Variants in RSBN1L observed in about 807,000 individuals in gnomAD.
The protein encoded by RSBN1L is round spermatid basic protein 1 like, also known as lysine-specific demethylase RSBN1L.
Under a neutral mutation model 67.7 loss-of-function variants are expected in RSBN1L, and 30 were observed. That is an observed-to-expected ratio of 0.44 (90% CI 0.33 to 0.60). RSBN1L has a LOEUF of 0.60. RSBN1L is among the 20% of genes least tolerant of loss of function. The pLI, the probability that RSBN1L is intolerant of heterozygous loss-of-function variation, is 0.02. For synonymous variants in RSBN1L, 433 were observed against 387.0 expected, an observed-to-expected ratio of 1.12 and a Z score of -1.39; for missense variants, 992 against 1,031.7, an observed-to-expected ratio of 0.96 and a Z score of 0.53.
At chr7:77,733,846 G>A (rs1292559001) in intron 1 of RSBN1L, among the ~76,000 whole-genome samples, 1 of 152,236 alleles carries the variant, frequency 6.6e-6, no homozygotes, top group Admixed American at 6.5e-5. Context: ...ATAGTTGTTG[G>A]CTGGGTGTGG....
At chr7:77,767,998 G>A (rs376561608) in intron 4 of RSBN1L, among the ~76,000 whole-genome samples, 33 of 150,210 alleles carry the variant, frequency 2.2e-4, no homozygotes, top group South Asian at 1.7e-3. Flanking sequence ...CTACAGGTGC[G>A]CGCCACCATG....
At chr7:77,704,840 C>T (rs111818478) in intron 1 of RSBN1L, among the ~76,000 whole-genome samples, 8 of 151,904 alleles carry the variant, frequency 5.3e-5, no homozygotes, top group African/African-American at 1.2e-4. Context: ...TTAGGTGTGT[C>T]GGGCGCCTGT....
At chr7:77,772,761 C>G (rs1043401313) in intron 5 of RSBN1L, among the ~76,000 whole-genome samples, 2 of 152,150 alleles carry the variant, frequency 1.3e-5, no homozygotes, top group African/African-American at 4.8e-5. Context: ...AGTATGTGTC[C>G]TATCAATATT....
At chr7:77,714,162 A>T (rs1051432692) in intron 1 of RSBN1L, among the ~76,000 whole-genome samples, 2 of 152,184 alleles carry the variant, frequency 1.3e-5, no homozygotes, top group African/African-American at 4.8e-5. Flanking sequence ...GATAGATTTG[A>T]TATCTATAGG....
intron 5 of RSBN1L, 103 bp from the exon 6 acceptor site, chr7:77,773,044 A>T: frequency 1.7e-6 from 1 of 579,714 alleles, no homozygotes; most frequent in Non-Finnish European, 2.8e-6. Flanking sequence ...ATTTGATTTG[A>T]GAGCAAATTT....
At chr7:77,756,084 A>G (rs1222492281) in intron 3 of RSBN1L, among the ~76,000 whole-genome samples, 1 of 152,184 alleles carries the variant, frequency 6.6e-6, no homozygotes, top group Non-Finnish European at 1.5e-5. Flanking sequence ...GTGGGAAGAC[A>G]GAGTAGAGTG....
intron 2 of RSBN1L, among the ~76,000 whole-genome samples, chr7:77,746,781 AG>A (rs1791489946): frequency 6.6e-6 from 1 of 152,210 alleles, no homozygotes; most frequent in African/African-American, 2.4e-5. Context: ...CTGTTCCAAA[AG>A]GGAGAAATTG....
At chr7:77,732,385 T>A (rs1190941020) in intron 1 of RSBN1L, among the ~76,000 whole-genome samples, 1 of 152,098 alleles carries the variant, frequency 6.6e-6, no homozygotes, top group Non-Finnish European at 1.5e-5. Context: ...CAGGCTGGAG[T>A]GCAGTGGCGC....
chr7:77,742,180 A>AAACACACACACACAC (rs1554340015), intron 2 of RSBN1L, among the ~76,000 whole-genome samples: 1 of 82,178 alleles, frequency 1.2e-5, no homozygotes, highest in African/African-American at 6.2e-5. Flanking sequence ...AAAAAAAAAA[A>AAACACACACACACAC]ATACACACAC....
At chr7:77,765,745 G>T in intron 4 of RSBN1L, 113 bp downstream of exon 4, 1 of 752,278 alleles carries the variant, frequency 1.3e-6, no homozygotes, top group Admixed American at 2.8e-5. Flanking sequence ...CAATATAAAT[G>T]AATGGCTGTT....
At chr7:77,761,597 C>A (rs1368287181) in intron 3 of RSBN1L, among the ~76,000 whole-genome samples, 1 of 152,068 alleles carries the variant, frequency 6.6e-6, no homozygotes, top group Non-Finnish European at 1.5e-5. Context: ...TTGTGAAAAG[C>A]GTGTGGATTT....
intron 1 of RSBN1L, among the ~76,000 whole-genome samples, chr7:77,731,427 G>C (rs1451129634): frequency 6.6e-6 from 1 of 152,030 alleles, no homozygotes; most frequent in African/African-American, 2.4e-5. Flanking sequence ...GTAGAGACAG[G>C]GTTTCATCAT....
Position 77,749,932 on chromosome 7 carries a change from T to A in RSBN1L, c.1212T>A (p.Val404=). ...CAGCTTTCTACGTGATGGGTATTGT[T>A]CATGGGGCAGCTACTTATTTACCTG... ...NSAAFYVMGI[V]HGAATYLPDF... is the part of the protein sequence containing the mutation. Residue 404 remains valine (V), a synonymous_variant, in exon 3 of 8, where the codon GTT becomes GTA. Coordinates refer to ENST00000334955, the MANE Select transcript of RSBN1L (RefSeq NM_198467.3). 1.2e-6 allele frequency: 2 copies of A among 1,614,154 alleles called. No individual in the cohort carries two copies. The highest frequency in any genetic ancestry group is 1.7e-6 in the Non-Finnish European group (2 of 1,180,024).
chr7:77,709,883 A>AT (rs1013631923), intron 1 of RSBN1L, among the ~76,000 whole-genome samples: 4 of 152,130 alleles, frequency 2.6e-5, no homozygotes, highest in Non-Finnish European at 4.4e-5. Context: ...GTCCTTAGAT[A>AT]TTTTTTAAAC....
intron 1 of RSBN1L, among the ~76,000 whole-genome samples, chr7:77,721,557 A>G (rs959932141): frequency 4.6e-5 from 7 of 152,142 alleles, no homozygotes; most frequent in African/African-American, 1.4e-4. Context: ...GCTAAATTTC[A>G]CCGTAATCTT....
chr7:77,751,949 G>A (rs1375772595), intron 3 of RSBN1L, among the ~76,000 whole-genome samples: 1 of 152,106 alleles, frequency 6.6e-6, no homozygotes, highest in Admixed American at 6.5e-5. Context: ...CCTTTTAAAT[G>A]TGACAGTACA....
intron 1 of RSBN1L, among the ~76,000 whole-genome samples, chr7:77,727,175 C>T (rs1312760555): frequency 6.6e-6 from 1 of 151,850 alleles, no homozygotes; most frequent in African/African-American, 2.4e-5. Context: ...GCATCCTCCG[C>T]CTCCTAGGTT....
chr7:77,708,607 C>T (rs1012208694), intron 1 of RSBN1L, among the ~76,000 whole-genome samples: 5 of 151,770 alleles, frequency 3.3e-5, no homozygotes, highest in African/African-American at 1.2e-4. Flanking sequence ...TGGTCTCGAT[C>T]TCCTGACCTT....
rs1166834639 is a variant in RSBN1L, at chr7:77,696,645, A to C, written c.176A>C (p.Glu59Ala). 6.2e-7 allele frequency: 1 copy of C among 1,613,762 alleles called. No homozygotes were observed. The highest frequency in any genetic ancestry group is 1.1e-5 in the South Asian group (1 of 91,082). The change falls in exon 1 of 8, where the codon GAA (glutamate) becomes GCA (alanine). Residue 59 changes from glutamate to alanine, a missense_variant. Coordinates refer to ENST00000334955, the MANE Select transcript of RSBN1L (RefSeq NM_198467.3). ...AAGGCACCGCGGAGAGTGAACGGAGAAGGGGGCAGCGGCGGGAACAGCAGG... is the reference window on the plus strand; with the variant it reads ...AAGGCACCGCGGAGAGTGAACGGAGCAGGGGGCAGCGGCGGGAACAGCAGG... ...EKKAPRRVNG[E>A]GGSGGNSRQL...
Sources: allele counts gnomAD v4.1 joint callset (sites outside exome capture counted in the v4.1 genomes callset), GRCh38; gene constraint gnomAD v4.1.1; transcripts MANE v1.5; gene names NCBI Gene and HGNC (gene_info 2026-07-23, HGNC 2026-07-21).